HIVEP3: variants seen among roughly 807,000 people sequenced by gnomAD.
The protein encoded by HIVEP3 is transcription factor HIVEP3.
HIVEP3 carries 49 observed loss-of-function variants against 152.8 expected under a neutral mutation model. The observed-to-expected ratio is 0.32, with a 90% CI of 0.26 to 0.41. HIVEP3 has a LOEUF of 0.41. Ranked by LOEUF, HIVEP3 falls within the 10% of genes least tolerant of loss-of-function variation. The pLI, the probability that HIVEP3 is intolerant of heterozygous loss-of-function variation, is 1.00. For synonymous variants in HIVEP3, 1,269 were observed against 1,289.0 expected (o/e 0.98, Z 0.33); for missense variants, 2,790 against 3,103.3 (o/e 0.90, Z 2.40).
chr1:41,521,023 A>T (rs1642746455), intron 6 of HIVEP3, among the ~76,000 whole-genome samples: 1 of 152,174 alleles, frequency 6.6e-6, no homozygotes. Flanking sequence ...CTCCATGTGG[A>T]GGCAGAATGG....
Position 41,662,614 on chromosome 1 carries a change from G to T in HIVEP3, c.-720-33667C>A, listed in dbSNP as rs1232336253. Among the ~76,000 whole-genome samples, 7 of 151,074 alleles carry T rather than the reference G, an allele frequency of 4.6e-5. No individual in the cohort carries two copies. The highest frequency in any genetic ancestry group is 3.9e-4 in the Admixed American group (6 of 15,232). On this transcript the variant is annotated intron_variant, in intron 2 of 8. Transcript: ENST00000372583. The surrounding 1 kb of genome is among the most constrained non-coding windows in gnomAD (Gnocchi z 7.2). ...GCGGCTGCCAGGGGAGGGTCTCCTC[G>T]CCCGGGGAATCCCTGGCTGCCGGCG...
At chr1:41,676,659 C>T (rs903150854) in intron 2 of HIVEP3, among the ~76,000 whole-genome samples, 9 of 152,172 alleles carry the variant, frequency 5.9e-5, no homozygotes, top group African/African-American at 1.9e-4. Flanking sequence ...GTTCAGTATC[C>T]TCTCTCCCCT....
chr1:41,714,444 T>C (rs1326514413), intron 1 of HIVEP3, among the ~76,000 whole-genome samples: 1 of 152,178 alleles, frequency 6.6e-6, no homozygotes, highest in Non-Finnish European at 1.5e-5. Context: ...TCACCTCTAA[T>C]GACTGGATAA....
At chr1:41,712,182 G>A (rs551575948) in intron 1 of HIVEP3, among the ~76,000 whole-genome samples, 19 of 152,376 alleles carry the variant, frequency 1.2e-4, no homozygotes, top group African/African-American at 2.2e-4. Context: ...ATTTCACTGC[G>A]TGAAGCAGAG....
rs531186190 is a variant in HIVEP3 at position 41,737,530 on chromosome 1, G to A, written c.-800-36535C>T. Among the ~76,000 whole-genome samples the A allele has an allele frequency of 7.9e-5, 12 of 152,260 alleles. No individual in the cohort carries two copies. In the South Asian group the frequency reaches 2.3e-3, roughly 29 times the overall value. Reference sequence around the variant, plus strand: ...TGGGTTTAGTGTCCTGGGCTACCATGGCCCATTGAATCATCTGTTGTCCCA... The same window carrying A: ...TGGGTTTAGTGTCCTGGGCTACCATAGCCCATTGAATCATCTGTTGTCCCA... On this transcript the variant is annotated intron_variant, in intron 1 of 8. Transcript: ENST00000372583.
At chr1:41,816,490 C>T (rs1651273837) in intron 1 of HIVEP3, among the ~76,000 whole-genome samples, 1 of 152,050 alleles carries the variant, frequency 6.6e-6, no homozygotes, top group Admixed American at 6.6e-5. Flanking sequence ...AGTTTGAGAC[C>T]AGCCTGGCCA....
chr1:41,891,186 C>G (rs1644440594), intron 1 of HIVEP3, among the ~76,000 whole-genome samples: 1 of 152,140 alleles, frequency 6.6e-6, no homozygotes, highest in Non-Finnish European at 1.5e-5. Context: ...GCCAGCCTTC[C>G]CCTTTCACCC....
At chr1:41,769,747 T>C (rs1162961580) in intron 1 of HIVEP3, among the ~76,000 whole-genome samples, 6 of 152,316 alleles carry the variant, frequency 3.9e-5, no homozygotes, top group African/African-American at 1.2e-4. Context: ...CATTGTATTA[T>C]GACTCAAAGA....
At chr1:41,646,793 T>G (rs893147302) in intron 2 of HIVEP3, among the ~76,000 whole-genome samples, 11 of 152,340 alleles carry the variant, frequency 7.2e-5, no homozygotes, top group African/African-American at 2.2e-4. Flanking sequence ...AAGCCAAACT[T>G]AATGGCTTAA....
At chr1:42,022,597 A>G (rs1359447875) in intron 1 of HIVEP3, among the ~76,000 whole-genome samples, 1 of 152,170 alleles carries the variant, frequency 6.6e-6, no homozygotes, top group Non-Finnish European at 1.5e-5. Context: ...TTATATTTCT[A>G]TATATTCTTC....
intron 2 of HIVEP3, among the ~76,000 whole-genome samples, chr1:41,685,844 T>C (rs556373782): frequency 1.3e-5 from 2 of 152,304 alleles, no homozygotes; most frequent in South Asian, 4.1e-4. Context: ...ATGTGTAGCA[T>C]GGTTCTCTCT....
intron 2 of HIVEP3, among the ~76,000 whole-genome samples, chr1:41,692,350 G>A: frequency 6.6e-6 from 1 of 152,224 alleles, no homozygotes; most frequent in East Asian, 1.9e-4. Context: ...GCTTTCTGGT[G>A]TTCCCAAGCA....
chr1:41,580,674 T>G lies in HIVEP3; in HGVS notation c.4124A>C (p.Glu1375Ala). Residue 1375 changes from glutamate (E) to alanine (A), a missense_variant, in exon 4 of 9, where the codon GAG (glutamate) becomes GCG (alanine). Physicochemically the swap from Glu to Ala is moderately radical, Grantham distance 107. Coordinates refer to ENST00000372583, the MANE Select transcript of HIVEP3 (RefSeq NM_024503.5). ...GTTVCGADVHEVGPGPSGLSE... is the reference protein window; with the variant it reads ...GTTVCGADVHAVGPGPSGLSE... ...TAACCCAGAAGGGCCGGGCCCAACC[T>G]CATGCACATCTGCACCACATACAGT... 6.2e-7 allele frequency: 1 copy of G among 1,613,196 alleles called. No individual in the cohort carries two copies. Among genetic ancestry groups the G allele is most frequent in the Non-Finnish European group, 8.5e-7 (1 of 1,179,568 alleles).
intron 1 of HIVEP3, among the ~76,000 whole-genome samples, chr1:42,016,880 A>G (rs956133548): frequency 6.6e-6 from 1 of 152,170 alleles, no homozygotes; most frequent in Non-Finnish European, 1.5e-5. Context: ...CTATCCTGAT[A>G]TATTTATGTA....
chr1:42,034,718 C>T (rs1645631381), intron 1 of HIVEP3, among the ~76,000 whole-genome samples: 1 of 152,158 alleles, frequency 6.6e-6, no homozygotes, highest in Non-Finnish European at 1.5e-5. Context: ...CGAAGGTAAC[C>T]TGGTAAAGCA....
At chr1:41,879,417 T>G (rs1644226275) in intron 1 of HIVEP3, among the ~76,000 whole-genome samples, 1 of 152,228 alleles carries the variant, frequency 6.6e-6, no homozygotes, top group Non-Finnish European at 1.5e-5. Context: ...ATCCCAACTT[T>G]CCACTGCACA....
Position 41,913,016 on chromosome 1 carries a change from C to T in HIVEP3, c.-801+5397G>A, listed in dbSNP as rs183304681. ...CAAATGTGAACTGTATGTTGCAAAGCCACAGCAAAGAACAAGTCACTTAGC... is the reference window on the plus strand; with the variant it reads ...CAAATGTGAACTGTATGTTGCAAAGTCACAGCAAAGAACAAGTCACTTAGC... On this transcript the variant is annotated intron_variant, in intron 1 of 8. Transcript: ENST00000372583. Among the ~76,000 whole-genome samples the T allele has an allele frequency of 1.1e-4, 17 of 152,306 alleles. No individual in the cohort carries two copies. In the East Asian group the frequency reaches 3.3e-3, roughly 29 times the overall value.
At chr1:41,778,040 T>C (rs756988182) in intron 1 of HIVEP3, among the ~76,000 whole-genome samples, 12 of 152,254 alleles carry the variant, frequency 7.9e-5, no homozygotes, top group Non-Finnish European at 1.8e-4. Context: ...ACCAAATCCC[T>C]GTCCTCCTGG....
chr1:41,955,104 A>G (rs765298426), intron 1 of HIVEP3, among the ~76,000 whole-genome samples: 81 of 151,700 alleles, frequency 5.3e-4, no homozygotes, highest in Non-Finnish European at 5.0e-4. Flanking sequence ...TACATGTTTT[A>G]TCTCAGTTAA....
Sources: allele counts gnomAD v4.1 joint callset (sites outside exome capture counted in the v4.1 genomes callset), GRCh38; gene constraint gnomAD v4.1.1; non-coding constraint Gnocchi (gnomAD v3.1); transcripts MANE v1.5; gene names NCBI Gene and HGNC (gene_info 2026-07-23, HGNC 2026-07-21).